Variants in CFI observed in about 807,000 individuals in gnomAD.
CFI encodes the protein complement factor I, also known as C3B/C4B inactivator.
Under a neutral mutation model 78.8 loss-of-function variants are expected in CFI, and 66 were observed. That is an observed-to-expected ratio of 0.84 (90% CI 0.69 to 1.03). CFI has a LOEUF of 1.03. CFI is among the 50% of genes least tolerant of loss of function. The probability of loss-of-function intolerance (pLI) is 0.00; values close to 1 mark genes in which losing one functional copy is unlikely to be tolerated. For missense variants in CFI, 706 were observed against 704.5 expected, an observed-to-expected ratio of 1.00 and a Z score of -0.02; for synonymous variants, 250 against 232.6, an observed-to-expected ratio of 1.07 and a Z score of -0.68.
chr4:109,792,954 C>A (rs1232540976), intron 1 of CFI, among the ~76,000 whole-genome samples: 3 of 152,084 alleles, frequency 2.0e-5, no homozygotes, highest in Non-Finnish European at 2.9e-5. Context: ...AATCCACTTC[C>A]ATTTAAAGTA....
chr4:109,753,012 T>A (rs1365360248), intron 7 of CFI, among the ~76,000 whole-genome samples: 2 of 105,586 alleles, frequency 1.9e-5, no homozygotes, highest in African/African-American at 7.3e-5. Flanking sequence ...TTATTATATA[T>A]TTATTATATA....
At chr4:109,752,965 T>TATAAATAA (rs1561292036) in intron 7 of CFI, among the ~76,000 whole-genome samples, 6 of 111,262 alleles carry the variant, frequency 5.4e-5, no homozygotes, top group Non-Finnish European at 1.1e-4. Flanking sequence ...ATATTTATTA[T>TATAAATAA]ATATTTATTA....
At position 109,800,319 on chromosome 4, in the gene CFI, C is replaced by CTG. The variant is rs546008310; in HGVS notation, c.57+1594_57+1595dup. 2.7e-3 allele frequency among the ~76,000 whole-genome samples: 276 copies of CTG among 102,110 alleles called. 4 individuals are homozygous for CTG. The highest frequency in any genetic ancestry group is 9.8e-3 in the African/African-American group (250 of 25,452). The allele number at this position is 102,110 out of a possible 152,430, so 67.0% of individuals were successfully genotyped here. On this transcript the variant is annotated intron_variant, in intron 1 of 12. Coordinates refer to ENST00000394634, the MANE Select transcript of CFI (RefSeq NM_000204.5). ...ATGTTGACTGAAATATTTGGCTTCT[C>CTG]TGTTTTTTTTTTTTTTTTTTTTTTT...
chr4:109,768,893 T>TAC (rs34247569), intron 1 of CFI, among the ~76,000 whole-genome samples: 109,205 of 150,876 alleles, frequency 0.72, 39,615 homozygotes, highest in South Asian at 0.77. Context: ...CAAATAGCTT[T>TAC]ACACACACAC....
intron 1 of CFI, among the ~76,000 whole-genome samples, chr4:109,783,782 C>T (rs1730361386): frequency 7.0e-6 from 1 of 143,534 alleles, no homozygotes; most frequent in African/African-American, 2.6e-5. Flanking sequence ...TCCAAATGCC[C>T]ACCATTCAAT....
intron 10 of CFI, 49 bp from the exon 11 acceptor site, chr4:109,746,551 A>G (rs1193189684): frequency 2.1e-6 from 3 of 1,411,786 alleles, no homozygotes; most frequent in Admixed American, 2.3e-5. Flanking sequence ...AAAAATATAA[A>G]TAGGAATTCT....
In CFI at chr4:109,765,312, G is replaced by C. The variant is rs1463869225; in HGVS notation, c.329-622C>G. On this transcript the variant is annotated intron_variant, in intron 2 of 12. Coordinates refer to ENST00000394634, the MANE Select transcript of CFI (RefSeq NM_000204.5). ...ATATATGTCATGGTGCCTTTAAAAA[G>C]AATGTTTTAAGCATTCCTTAGGTAA... is the stretch of plus-strand genomic sequence containing the variant. Among the ~76,000 whole-genome samples, 3 of 152,236 alleles carry C rather than the reference G, an allele frequency of 2.0e-5. No individual in the cohort carries two copies. In the East Asian group the frequency reaches 5.8e-4, roughly 29 times the overall value.
At chr4:109,762,952 T>C (rs1367634378) in intron 3 of CFI, among the ~76,000 whole-genome samples, 3 of 152,172 alleles carry the variant, frequency 2.0e-5, no homozygotes, top group Non-Finnish European at 4.4e-5. Context: ...GGTTGAACCA[T>C]AAGTTGTAGG....
intron 1 of CFI, among the ~76,000 whole-genome samples, chr4:109,782,374 C>A (rs1244605613): frequency 1.3e-5 from 2 of 150,288 alleles, no homozygotes; most frequent in Non-Finnish European, 3.0e-5. Flanking sequence ...CTTCTATACA[C>A]CAACAGCGAC....
At chr4:109,739,557 T>C (rs576864414), downstream of CFI, among the ~76,000 whole-genome samples, 161 of 152,166 alleles carry the variant, frequency 1.1e-3, no homozygotes, top group Middle Eastern at 0.024. Context: ...CTATTTTCTG[T>C]AGGTTAAGAA....
intron 6 of CFI, among the ~76,000 whole-genome samples, chr4:109,759,253 T>TA (rs199769430): frequency 0.028 from 2,512 of 90,196 alleles, 36 homozygotes; most frequent in Non-Finnish European, 0.047. Context: ...TCAGTTTCTC[T>TA]AAAAAAAAAA....
intron 1 of CFI, among the ~76,000 whole-genome samples, chr4:109,781,438 A>G (rs1161393993): frequency 6.6e-6 from 1 of 152,078 alleles, no homozygotes; most frequent in African/African-American, 2.4e-5. Flanking sequence ...GAAAAATACA[A>G]CCCTTCTAGC....
At chr4:109,799,513 A>T (rs775382664) in intron 1 of CFI, among the ~76,000 whole-genome samples, 21 of 152,312 alleles carry the variant, frequency 1.4e-4, no homozygotes, top group Non-Finnish European at 2.4e-4. Flanking sequence ...TATTAGATAG[A>T]CAGATTTATA....
chr4:109,784,093 T>G (rs189402670), intron 1 of CFI, among the ~76,000 whole-genome samples: 389 of 151,848 alleles, frequency 2.6e-3, no homozygotes, highest in African/African-American at 8.9e-3. Context: ...TGTATACTGC[T>G]CGGGTGATGG....
intron 1 of CFI, among the ~76,000 whole-genome samples, chr4:109,792,635 T>C (rs556044539): frequency 6.6e-6 from 1 of 152,306 alleles, no homozygotes; most frequent in South Asian, 2.1e-4. Context: ...TCTGTCACTT[T>C]TCATTCATAT....
At chr4:109,737,449 C>T (rs1425542703), downstream of CFI, among the ~76,000 whole-genome samples, 2 of 152,198 alleles carry the variant, frequency 1.3e-5, no homozygotes, top group Non-Finnish European at 2.9e-5. Context: ...CTTTAGTTTT[C>T]CTTACCATTG....
chr4:109,750,484 G>T (rs914036405), intron 8 of CFI, among the ~76,000 whole-genome samples: 1 of 152,106 alleles, frequency 6.6e-6, no homozygotes, highest in Admixed American at 6.6e-5. Context: ...GGACAAGTGG[G>T]TTAGCGGGCT....
At chr4:109,752,339 G>T in intron 8 of CFI, 129 bp downstream of exon 8, 1 of 782,168 alleles carries the variant, frequency 1.3e-6, no homozygotes, top group Non-Finnish European at 2.1e-6. Context: ...GAATAATAAT[G>T]TTATATTTTT....
At chr4:109,761,775 G>C (rs947636252) in intron 3 of CFI, 83 bp from the exon 4 acceptor site, 8 of 1,136,688 alleles carry the variant, frequency 7.0e-6, no homozygotes, top group South Asian at 2.5e-5. Flanking sequence ...TAAGAAACTA[G>C]AGTAATGTCC....
Sources: gnomAD v4.1 joint callset for allele counts (sites outside exome capture counted in the v4.1 genomes callset) on GRCh38, gnomAD v4.1.1 for gene constraint, MANE v1.5 for transcripts, NCBI Gene and HGNC (gene_info 2026-07-23, HGNC 2026-07-21) for gene names.